The following AIG1 variants were observed in gnomAD, a reference collection of about 807,000 sequenced individuals.
The protein encoded by AIG1 is androgen-induced gene 1 protein.
In AIG1, 23 loss-of-function variants were observed where a neutral mutation model predicts 31.4. The ratio of observed to expected loss-of-function variants is 0.73; its 90% CI spans 0.53 to 1.04. AIG1 has a LOEUF of 1.04. AIG1 is among the 50% of genes least tolerant of loss of function. The pLI is 0.00. For synonymous variants in AIG1, 100 were observed against 110.5 expected (o/e 0.90, Z 0.60); for missense variants, 274 against 295.0 (o/e 0.93, Z 0.52).
rs372141933 is a variant in AIG1 at position 143,257,092 on chromosome 6, G to GAATC, written c.400-27016_400-27013dup. Among the ~76,000 whole-genome samples, 140 of 152,296 alleles carry GAATC rather than the reference G, an allele frequency of 9.2e-4. 1 individual carries two copies. The highest frequency in any genetic ancestry group is 3.2e-3 in the African/African-American group (135 of 41,556). On this transcript the variant is annotated intron_variant, in intron 3 of 5. Coordinates refer to ENST00000357847, the MANE Select transcript of AIG1 (RefSeq NM_016108.4). ...TTCCAGTGAATGGCTATTTCTGAAG[G>GAATC]AATCACGTCAAAGCTCCCATGTCAT...
rs988569234 is a variant in AIG1, at chr6:143,097,876, TAGA to T, written c.141+36816_141+36818del. ...TACTATACTTTCTCTCCTATTGCAG[TAGA>T]AGAAGTGTCTGTGCTTCTAAGGACA... is the stretch of plus-strand genomic sequence containing the variant. On this transcript the variant is annotated intron_variant, in intron 1 of 5. Transcript: ENST00000357847. 4.6e-5 allele frequency among the ~76,000 whole-genome samples: 7 copies of T among 152,350 alleles called. No individual in the cohort carries two copies. In the East Asian group the frequency reaches 5.8e-4, roughly 13 times the overall value.
In AIG1 at chr6:143,339,770, A is replaced by C; in HGVS notation, c.*94A>C. The C allele has an allele frequency of 2.9e-6, 4 of 1,370,364 alleles. No individual in the cohort carries two copies. The highest frequency in any genetic ancestry group is 4.1e-6 in the Non-Finnish European group (4 of 984,778). 84.9% of individuals were successfully genotyped at this position (1,370,364 alleles called of 1,614,324 possible). On this transcript the variant is annotated 3_prime_UTR_variant, in exon 6 of 6. Coordinates refer to ENST00000357847, the MANE Select transcript of AIG1 (RefSeq NM_016108.4). Reference sequence around the variant, plus strand: ...GTGGGGGAGAAAAGGCTTCAAAGGAACTTGGTGGCATCAGCACCCCCCTCC... The same window carrying C: ...GTGGGGGAGAAAAGGCTTCAAAGGACCTTGGTGGCATCAGCACCCCCCTCC...
chr6:143,120,135 T>C (rs781289619), intron 1 of AIG1, among the ~76,000 whole-genome samples: 2 of 152,076 alleles, frequency 1.3e-5, no homozygotes, highest in Non-Finnish European at 2.9e-5. Context: ...GGTCTCTCCA[T>C]ATTGGTCAGG....
At chr6:143,290,147 G>A (rs9376737) in intron 4 of AIG1, among the ~76,000 whole-genome samples, 5 of 151,940 alleles carry the variant, frequency 3.3e-5, no homozygotes, top group Non-Finnish European at 7.4e-5. Context: ...AGTTCTTGCC[G>A]CCTCAGAAGA....
rs117245442 is a variant in AIG1 at position 143,280,255 on chromosome 6, G to A, written c.400-3855G>A. On this transcript the variant is annotated intron_variant, in intron 3 of 5. Coordinates refer to ENST00000357847, the MANE Select transcript of AIG1 (RefSeq NM_016108.4). This position sits in a 1 kb window ranked among gnomAD's most constrained non-coding sequence, Gnocchi z 4.1. ...TGCTGGTGAGGTTGCGAAGAAAAGG[G>A]AACACTTATACACTGTTGGTGGGAG... 4.7e-3 allele frequency among the ~76,000 whole-genome samples: 711 copies of A among 152,284 alleles called. 5 individuals carry two copies. Among genetic ancestry groups the A allele is most frequent in the Non-Finnish European group, 7.2e-3 (493 of 68,020 alleles).
intron 3 of AIG1, among the ~76,000 whole-genome samples, chr6:143,223,265 A>G (rs1792674645): frequency 6.6e-6 from 1 of 152,160 alleles, no homozygotes; most frequent in Admixed American, 6.5e-5. Context: ...AGACCTACAA[A>G]ATCAGAACGT....
At chr6:143,270,495 G>A (rs1004232090) in intron 3 of AIG1, among the ~76,000 whole-genome samples, 1 of 152,056 alleles carries the variant, frequency 6.6e-6, no homozygotes, top group Non-Finnish European at 1.5e-5. Flanking sequence ...TTTTCTTTTT[G>A]CAAAGCCAAA....
chr6:143,205,020 A>C (rs1791005908), intron 3 of AIG1, among the ~76,000 whole-genome samples: 1 of 152,152 alleles, frequency 6.6e-6, no homozygotes, highest in Non-Finnish European at 1.5e-5. Flanking sequence ...CATGTCTTCC[A>C]CAGACTTCTG....
intron 3 of AIG1, among the ~76,000 whole-genome samples, chr6:143,216,272 A>G (rs913210758): frequency 1.3e-5 from 2 of 152,136 alleles, no homozygotes; most frequent in Admixed American, 6.5e-5. Context: ...TTAAGACCGG[A>G]TGATCGAGGG....
intron 3 of AIG1, among the ~76,000 whole-genome samples, chr6:143,235,797 A>G (rs6910775): frequency 0.28 from 42,881 of 152,190 alleles, 6,615 homozygotes; most frequent in East Asian, 0.4. Flanking sequence ...TTAACACAGA[A>G]GTGGATAGTT....
intron 1 of AIG1, among the ~76,000 whole-genome samples, chr6:143,062,227 G>C (rs1776321058): frequency 6.6e-6 from 1 of 152,220 alleles, no homozygotes; most frequent in Admixed American, 6.5e-5. Context: ...GATACTTTCA[G>C]AGTGGAATTT....
chr6:143,214,661 C>G (rs1791865963), intron 3 of AIG1, among the ~76,000 whole-genome samples: 1 of 152,168 alleles, frequency 6.6e-6, no homozygotes. Flanking sequence ...TCTCAGGGAA[C>G]TCTTCAGTGC....
At chr6:143,146,357 C>T (rs1335126885) in intron 2 of AIG1, among the ~76,000 whole-genome samples, 2 of 152,054 alleles carry the variant, frequency 1.3e-5, no homozygotes, top group South Asian at 2.1e-4. Flanking sequence ...CAATGTGACC[C>T]GCAAAACCAG....
At chr6:143,342,289 C>T (rs1198594997), downstream of AIG1, 2 of 685,832 alleles carry the variant, frequency 2.9e-6, no homozygotes, top group Non-Finnish European at 5.3e-6. Context: ...GGCTGCGGCT[C>T]AGCGTGGGCT....
intron 3 of AIG1, among the ~76,000 whole-genome samples, chr6:143,282,783 A>C (rs913859669): frequency 6.6e-6 from 1 of 152,224 alleles, no homozygotes; most frequent in Non-Finnish European, 1.5e-5. Context: ...TAGGAATATA[A>C]ACAATAGGTT....
At chr6:143,304,101 C>T (rs1799055599) in intron 4 of AIG1, among the ~76,000 whole-genome samples, 1 of 151,250 alleles carries the variant, frequency 6.6e-6, no homozygotes, top group African/African-American at 2.4e-5. Flanking sequence ...GCTGAAGTTG[C>T]TTATCAGCTT....
chr6:143,166,029 G>A (rs9403455), intron 3 of AIG1, among the ~76,000 whole-genome samples: 48,928 of 151,982 alleles, frequency 0.32, 8,018 homozygotes, highest in Admixed American at 0.38. Context: ...AAATTATAGG[G>A]GAAGGAAGAG....
chr6:143,322,676 T>C (rs994023346), intron 4 of AIG1, among the ~76,000 whole-genome samples: 1 of 152,192 alleles, frequency 6.6e-6, no homozygotes, highest in African/African-American at 2.4e-5. Context: ...TGTAGACGTG[T>C]GCCAGGAAAT....
chr6:143,086,043 G>A (rs548636215), intron 1 of AIG1, among the ~76,000 whole-genome samples: 6 of 152,324 alleles, frequency 3.9e-5, no homozygotes, highest in African/African-American at 1.4e-4. Context: ...CTGAACTGGT[G>A]AGGTGTGCTC....
Sources: allele counts gnomAD v4.1 joint callset (sites outside exome capture counted in the v4.1 genomes callset), GRCh38; gene constraint gnomAD v4.1.1; non-coding constraint Gnocchi (gnomAD v3.1); transcripts MANE v1.5; gene names NCBI Gene and HGNC (gene_info 2026-07-23, HGNC 2026-07-21).